CDH22: variants seen among roughly 807,000 people sequenced by gnomAD.
CDH22 encodes cadherin 22, also known as cadherin-22.
A neutral mutation model predicts 58.4 loss-of-function variants in CDH22; 30 were observed. That is an observed-to-expected ratio of 0.51 (90% confidence interval 0.38 to 0.70). The LOEUF (loss-of-function observed/expected upper bound fraction) is 0.70. Among genes scored for constraint, CDH22 ranks in the 30% least tolerant of loss-of-function variants. CDH22 has a pLI of 0.00. For synonymous variants in CDH22, 513 were observed against 558.2 expected (o/e 0.92, Z 1.14); for missense variants, 1,014 against 1,233.9 (o/e 0.82, Z 2.67).
At position 46,174,491 on chromosome 20, in the gene CDH22, C is replaced by A; in HGVS notation, c.*15G>T. The A allele has an allele frequency of 6.9e-7, 1 of 1,458,310 alleles. No individual in the cohort carries two copies. Among genetic ancestry groups the A allele is most frequent in the South Asian group, 1.3e-5 (1 of 74,768 alleles). The allele number at this position is 1,458,310 out of a possible 1,614,324, so 90.3% of individuals were successfully genotyped here. ...GGGCGGGTGAGCAGCCGCGCCCCGA[C>A]GGCAGGGCGAGGGGCTAGGAGGCCT... On this transcript the variant is annotated 3_prime_UTR_variant, in exon 12 of 12. Coordinates refer to ENST00000537909, the MANE Select transcript of CDH22 (RefSeq NM_021248.3). The surrounding 1 kb of genome is among the most constrained non-coding windows in gnomAD (Gnocchi z 4.4).
chr20:46,230,291 T>C (rs910185456), intron 3 of CDH22, among the ~76,000 whole-genome samples: 1 of 152,162 alleles, frequency 6.6e-6, no homozygotes, highest in Non-Finnish European at 1.5e-5. Context: ...GGTTTGTTGG[T>C]GAGTCAGCTC....
intron 10 of CDH22, among the ~76,000 whole-genome samples, chr20:46,179,539 G>C (rs2085769791): frequency 6.6e-6 from 1 of 152,214 alleles, no homozygotes; most frequent in Non-Finnish European, 1.5e-5. Flanking sequence ...GACTGGCTGT[G>C]AGTTGGAGGC....
rs1371778041 is a variant in CDH22 at position 46,210,194 on chromosome 20, C to T, written c.1286+113G>A. The T allele has an allele frequency of 2.7e-6, 3 of 1,130,070 alleles. No homozygotes were observed. Among genetic ancestry groups the T allele is most frequent in the East Asian group, 6.5e-5 (2 of 30,776 alleles). 70.0% of individuals were successfully genotyped at this position (1,130,070 alleles called of 1,614,324 possible). ...TCCGCGCCTCCCTCCCCCACGCAGC[C>T]CCTTCCTTCGGCCCTGCCCGCCCCA... On this transcript the variant is annotated intron_variant, in intron 7 of 11. Transcript: ENST00000537909. This position sits in a 1 kb window ranked among gnomAD's most constrained non-coding sequence, Gnocchi z 4.5.
At position 46,174,465 on chromosome 20, in the gene CDH22, TG is replaced by T; in HGVS notation, c.*40del. ...GTTGTCCTGGGGCCCCGGCGTGTGC[TG>T]GGCGGGTGAGCAGCCGCGCCCCGAC... is the stretch of plus-strand genomic sequence containing the variant. On this transcript the variant is annotated 3_prime_UTR_variant, in exon 12 of 12. Transcript: ENST00000537909. The surrounding 1 kb of genome is among the most constrained non-coding windows in gnomAD (Gnocchi z 4.4). 7.4e-7 allele frequency: 1 copy of T among 1,352,552 alleles called. No homozygotes were observed. The highest frequency in any genetic ancestry group is 9.7e-7 in the Non-Finnish European group (1 of 1,035,396). The allele number at this position is 1,352,552 out of a possible 1,614,324, so 83.8% of individuals were successfully genotyped here. A position where few individuals can be genotyped will look rare whatever the true frequency, so the allele number is the denominator to read the frequency against.
chr20:46,255,192 T>C (rs914352154), intron 1 of CDH22, among the ~76,000 whole-genome samples: 4 of 152,076 alleles, frequency 2.6e-5, no homozygotes, highest in Admixed American at 6.6e-5. Context: ...TGGCTAATTT[T>C]TTAATTTTTA....
At chr20:46,266,661 T>C (rs2086461222) in intron 1 of CDH22, among the ~76,000 whole-genome samples, 2 of 152,246 alleles carry the variant, frequency 1.3e-5, no homozygotes, top group Admixed American at 1.3e-4. Context: ...GAAAGCTCTC[T>C]AGGCTGGACG....
chr20:46,246,469 C>G (rs949199611), intron 2 of CDH22, among the ~76,000 whole-genome samples: 2 of 152,174 alleles, frequency 1.3e-5, no homozygotes, highest in Admixed American at 6.5e-5. Flanking sequence ...ATCCAGCTGA[C>G]AGAGGCCTCG....
At chr20:46,196,745 C>A (rs2085906290) in intron 8 of CDH22, among the ~76,000 whole-genome samples, 1 of 152,128 alleles carries the variant, frequency 6.6e-6, no homozygotes, top group Non-Finnish European at 1.5e-5. Context: ...AGAATGGACA[C>A]CCCTTAGGGG....
chr20:46,270,982 A>T (rs1390967531), intron 1 of CDH22, among the ~76,000 whole-genome samples: 1 of 152,222 alleles, frequency 6.6e-6, no homozygotes, highest in Non-Finnish European at 1.5e-5. Flanking sequence ...AAGCTTGAAT[A>T]GTTGATGAAT....
intron 5 of CDH22, among the ~76,000 whole-genome samples, chr20:46,213,848 A>G (rs578258780): frequency 1.3e-5 from 2 of 152,300 alleles, no homozygotes; most frequent in East Asian, 3.9e-4. Flanking sequence ...ATGGACCAAA[A>G]TCTCAGCTCT....
intron 1 of CDH22, among the ~76,000 whole-genome samples, chr20:46,279,234 C>A (rs1462029720): frequency 6.6e-6 from 1 of 152,180 alleles, no homozygotes; most frequent in Non-Finnish European, 1.5e-5. Flanking sequence ...AATTAATAAG[C>A]CCCACCCTGG....
intron 8 of CDH22, among the ~76,000 whole-genome samples, chr20:46,196,593 G>T (rs542256696): frequency 5.3e-5 from 8 of 152,304 alleles, no homozygotes; most frequent in Non-Finnish European, 1.5e-5. Context: ...TCTTGATTTT[G>T]TGCCAGCACC....
chr20:46,250,190 G>A (rs1010989148), intron 2 of CDH22, among the ~76,000 whole-genome samples: 10 of 149,486 alleles, frequency 6.7e-5, no homozygotes, highest in African/African-American at 2.4e-4. Context: ...TACTCAGAGA[G>A]TTTGAGAAAG....
chr20:46,267,689 T>C (rs888606837), intron 1 of CDH22, among the ~76,000 whole-genome samples: 2 of 152,284 alleles, frequency 1.3e-5, no homozygotes, highest in Non-Finnish European at 2.9e-5. Context: ...ACACCATGTG[T>C]GACCTTGCAT....
chr20:46,235,929 G>A (rs1032321317), intron 3 of CDH22, among the ~76,000 whole-genome samples: 1 of 152,172 alleles, frequency 6.6e-6, no homozygotes, highest in African/African-American at 2.4e-5. Context: ...CTCACTCAGA[G>A]TACAACCAAA....
At chr20:46,207,437 G>C (rs1323084022) in intron 7 of CDH22, among the ~76,000 whole-genome samples, 6 of 152,152 alleles carry the variant, frequency 3.9e-5, no homozygotes, top group Non-Finnish European at 7.3e-5. Flanking sequence ...CCCCTCCCTG[G>C]GCCTCAACTC....
At chr20:46,204,895 A>G (rs566364134) in intron 7 of CDH22, among the ~76,000 whole-genome samples, 1 of 152,320 alleles carries the variant, frequency 6.6e-6, no homozygotes, top group South Asian at 2.1e-4. Flanking sequence ...CAGGCATAAT[A>G]AATAGGGAAG....
At chr20:46,236,253 T>C (rs982265177) in intron 3 of CDH22, among the ~76,000 whole-genome samples, 1 of 151,934 alleles carries the variant, frequency 6.6e-6, no homozygotes, top group African/African-American at 2.4e-5. Flanking sequence ...CAGCAATTTG[T>C]GTTTTAACAA....
chr20:46,201,852 C>T (rs1235006552), intron 7 of CDH22, among the ~76,000 whole-genome samples: 1 of 152,170 alleles, frequency 6.6e-6, no homozygotes, highest in East Asian at 1.9e-4. Context: ...GATTATAATT[C>T]CTCCCTAGCA....
Sources: gnomAD v4.1 joint callset for allele counts (sites outside exome capture counted in the v4.1 genomes callset) on GRCh38, gnomAD v4.1.1 for gene constraint, Gnocchi (gnomAD v3.1) non-coding constraint, MANE v1.5 for transcripts, NCBI Gene and HGNC (gene_info 2026-07-23, HGNC 2026-07-21) for gene names.